The following QPRT variants were observed in gnomAD, a reference collection of about 807,000 sequenced individuals.
The protein encoded by QPRT is quinolinate phosphoribosyltransferase.
A neutral mutation model predicts 19.8 loss-of-function variants in QPRT; 17 were observed. The ratio of observed to expected loss-of-function variants is 0.86; its 90% confidence interval spans 0.59 to 1.29. QPRT has a LOEUF of 1.29. QPRT is among the 50% of genes most tolerant of loss of function. QPRT has a pLI of 0.00. For missense variants in QPRT, 336 were observed against 405.1 expected, an observed-to-expected ratio of 0.83 and a Z score of 1.46; for synonymous variants, 178 against 191.0, an observed-to-expected ratio of 0.93 and a Z score of 0.56.
intron 1 of QPRT, among the ~76,000 whole-genome samples, chr16:29,688,488 G>A (rs968456259): frequency 6.6e-6 from 1 of 152,090 alleles, no homozygotes; most frequent in Non-Finnish European, 1.5e-5. Flanking sequence ...GAACCTCTGA[G>A]TGAGCCCATC....
At chr16:29,685,377 G>A (rs939861859) in intron 1 of QPRT, among the ~76,000 whole-genome samples, 5 of 152,000 alleles carry the variant, frequency 3.3e-5, no homozygotes, top group East Asian at 3.9e-4. Flanking sequence ...AGGCTGAGGC[G>A]GGAGAACCAC....
At chr16:29,692,011 G>T (rs1761172851) in intron 1 of QPRT, among the ~76,000 whole-genome samples, 2 of 152,306 alleles carry the variant, frequency 1.3e-5, no homozygotes, top group South Asian at 2.1e-4. Flanking sequence ...GTGTGCGCGT[G>T]CTTGTGCGTG....
chr16:29,688,738 T>C (rs142728938), intron 1 of QPRT, among the ~76,000 whole-genome samples: 1,808 of 151,840 alleles, frequency 0.012, 39 homozygotes, highest in African/African-American at 0.042. Flanking sequence ...CAGGCTGGTC[T>C]TGAACTCCTG....
chr16:29,695,028 G>C lies in QPRT; in HGVS notation c.378G>C (p.Arg126Ser). 6.2e-7 allele frequency: 1 copy of C among 1,605,140 alleles called. No homozygotes were observed. Among genetic ancestry groups the C allele is most frequent in the South Asian group, 1.1e-5 (1 of 90,944 alleles). ...CCGCCGCTGCAGTGGAGGCCGCCAG[G>C]GGGGCCGGCTGGACTGGGCACGTGG... ...SAAAAAVEAA[R>S]GAGWTGHVAG... Residue 126 changes from arginine (R) to serine (S), a missense_variant, in exon 2 of 4, where the codon AGG becomes AGC. Coordinates refer to ENST00000395384, the MANE Select transcript of QPRT (RefSeq NM_014298.6).
chr16:29,693,623 GTC>G (rs1567331791), intron 1 of QPRT, among the ~76,000 whole-genome samples: 4 of 151,512 alleles, frequency 2.6e-5, no homozygotes, highest in African/African-American at 9.7e-5. Context: ...GTCTTGCTCT[GTC>G]ACCCAGGCTG....
At position 29,697,214 on chromosome 16, in the gene QPRT, G is replaced by C. The variant is rs1269883530; in HGVS notation, c.697G>C (p.Ala233Pro). The C allele has an allele frequency of 1.2e-6, 2 of 1,611,334 alleles. No individual in the cohort carries two copies. Among genetic ancestry groups the C allele is most frequent in the African/African-American group, 2.7e-5 (2 of 74,878 alleles). Residue 233 changes from alanine (A) to proline (P), a missense_variant, in exon 4 of 4, where the codon GCC becomes CCC. Physicochemically the swap from Ala to Pro is conservative, Grantham distance 27. Transcript: ENST00000395384. This position sits in a 1 kb window ranked among gnomAD's most constrained non-coding sequence, Gnocchi z 4.4. ...NFKPEELHPT[A>P]TVLKAQFPSV... The stretch of plus-strand genomic sequence containing the variant: ...TGTCCCGCAGGAGCTGCACCCCACG[G>C]CCACCGTGCTGAAGGCCCAGTTCCC...
intron 1 of QPRT, 146 bp from the exon 2 acceptor site, chr16:29,694,518 C>T: frequency 1.7e-6 from 1 of 580,466 alleles, no homozygotes. Flanking sequence ...CGCCCCCCTT[C>T]CTCACCGCAG....
At chr16:29,683,446 C>G (rs2142297227) in intron 1 of QPRT, among the ~76,000 whole-genome samples, 1 of 152,170 alleles carries the variant, frequency 6.6e-6, no homozygotes, top group African/African-American at 2.4e-5. Flanking sequence ...GCCTCCAACT[C>G]CTGGACTCAA....
chr16:29,679,236 TCCCTGCACCCATCCCCCCACTGCCTAC>T (rs1966919051), intron 1 of QPRT, 26 bp downstream of exon 1: 3 of 1,578,314 alleles, frequency 1.9e-6, no homozygotes, highest in Non-Finnish European at 2.6e-6. Context: ...CTCTGCCATG[TCCCTGCACCCATCCCCCCACTGCCTAC>T]CCCTGCCCCC....
At chr16:29,691,782 G>A (rs1967342867) in intron 1 of QPRT, among the ~76,000 whole-genome samples, 1 of 152,142 alleles carries the variant, frequency 6.6e-6, no homozygotes, top group Admixed American at 6.6e-5. Context: ...CTAGCTCTTA[G>A]TGGAGGGACA....
rs557106037 is a variant in QPRT at position 29,697,028 on chromosome 16, C to T, written c.582C>T (p.Phe194=). The T allele has an allele frequency of 2.4e-5, 38 of 1,609,818 alleles. No homozygotes were observed. In the East Asian group the frequency reaches 6.7e-4, roughly 28 times the overall value. ...AVRAARQAAD[F]TLKVEVECSS... ...GGGCGGCCAGACAGGCGGCTGACTT[C>T]ACTCTGAAGGTGGAAGTGGAATGCA... Residue 194 remains phenylalanine, a synonymous_variant, in exon 3 of 4, where the codon TTC becomes TTT. Transcript: ENST00000395384. The surrounding 1 kb of genome is among the most constrained non-coding windows in gnomAD (Gnocchi z 4.4).
intron 1 of QPRT, among the ~76,000 whole-genome samples, chr16:29,683,610 C>T (rs1303063775): frequency 2.0e-5 from 3 of 151,940 alleles, no homozygotes; most frequent in East Asian, 1.9e-4. Flanking sequence ...CCTTCTGCCT[C>T]GGCCTCCCAA....
In QPRT at chr16:29,694,725, G is replaced by A; in HGVS notation, c.75G>A (p.Glu25=). ...CCCTGGTGGACAGCTGGCTCCGAGAGGACTGCCCAGGGCTCAACTACGCAG... is the reference window on the plus strand; with the variant it reads ...CCCTGGTGGACAGCTGGCTCCGAGAAGACTGCCCAGGGCTCAACTACGCAG... ...LAALVDSWLR[E]DCPGLNYAAL... Residue 25 remains glutamate (E), a synonymous_variant, in exon 2 of 4, where the codon GAG becomes GAA. Coordinates refer to ENST00000395384, the MANE Select transcript of QPRT (RefSeq NM_014298.6). 6.3e-7 allele frequency: 1 copy of A among 1,590,646 alleles called. No homozygotes were observed. Among genetic ancestry groups the A allele is most frequent in the Non-Finnish European group, 8.6e-7 (1 of 1,166,140 alleles).
chr16:29,697,703 C>T lies in QPRT; in HGVS notation c.*292C>T. The T allele has an allele frequency of 2.7e-6, 1 of 364,896 alleles. No individual in the cohort carries two copies. The allele number at this position is 364,896 out of a possible 1,614,324, so 22.6% of individuals were successfully genotyped here. ...AGCAAATGTCAGAAGTTACCTGGGA[C>T]AGCCGGGCACGATGGCTCACACCTG... On this transcript the variant is annotated 3_prime_UTR_variant, in exon 4 of 4. Transcript: ENST00000395384. The surrounding 1 kb of genome is among the most constrained non-coding windows in gnomAD (Gnocchi z 4.4).
At position 29,694,883 on chromosome 16, in the gene QPRT, G is replaced by A. The variant is rs760480330; in HGVS notation, c.233G>A (p.Gly78Glu). Residue 78 changes from glycine to glutamate, a missense_variant, in exon 2 of 4, where the codon GGA (glycine) becomes GAA (glutamate). Physicochemically the swap from Gly to Glu is moderately conservative, Grantham distance 98 (BLOSUM62 -2). Coordinates refer to ENST00000395384, the MANE Select transcript of QPRT (RefSeq NM_014298.6). ...CAAGTCTCCTGGTTCCTCCCCGAGG[G>A]ATCGAAGCTGGTGCCGGTGGCCAGA... Reference protein sequence around the residue: ...NCQVSWFLPEGSKLVPVARVA... With the variant: ...NCQVSWFLPEESKLVPVARVA... 1.9e-6 allele frequency: 3 copies of A among 1,614,070 alleles called. No homozygotes were observed. The highest frequency in any genetic ancestry group is 2.5e-6 in the Non-Finnish European group (3 of 1,179,942).
chr16:29,694,851 C>G lies in QPRT; in HGVS notation c.201C>G (p.Leu67=). The part of the protein sequence containing the change: ...QPFFDAIFTQ[L]NCQVSWFLPE... ...TCTTCGATGCCATATTTACCCAACT[C>G]AACTGCCAAGTCTCCTGGTTCCTCC... The change falls in exon 2 of 4, where the codon CTC becomes CTG. Residue 67 remains leucine, a synonymous_variant. Coordinates refer to ENST00000395384, the MANE Select transcript of QPRT (RefSeq NM_014298.6). 6.2e-7 allele frequency: 1 copy of G among 1,614,130 alleles called. No individual in the cohort carries two copies. The highest frequency in any genetic ancestry group is 8.5e-7 in the Non-Finnish European group (1 of 1,179,962).
chr16:29,693,743 C>T (rs150509203), intron 1 of QPRT, among the ~76,000 whole-genome samples: 3,375 of 151,694 alleles, frequency 0.022, 49 homozygotes, highest in Non-Finnish European at 0.036. Context: ...CCTGCCACCA[C>T]GCCCGGCTAA....
chr16:29,693,236 T>C (rs1210891293), intron 1 of QPRT, among the ~76,000 whole-genome samples: 13 of 151,892 alleles, frequency 8.6e-5, no homozygotes, highest in Non-Finnish European at 1.0e-4. Flanking sequence ...ATTCTTTCTA[T>C]TTTTTTTGTA....
chr16:29,679,038 G>T (rs545723217), upstream of QPRT: 1 of 1,270,868 alleles, frequency 7.9e-7, no homozygotes, highest in Admixed American at 2.1e-5. Flanking sequence ...GAATCTGCAG[G>T]CCTGGCAGAG....
Sources: allele counts gnomAD v4.1 joint callset (sites outside exome capture counted in the v4.1 genomes callset), GRCh38; gene constraint gnomAD v4.1.1; non-coding constraint Gnocchi (gnomAD v3.1); transcripts MANE v1.5; gene names NCBI Gene and HGNC (gene_info 2026-07-23, HGNC 2026-07-21).